The following TEAD3 variants were observed in gnomAD, a reference collection of about 807,000 sequenced individuals.
TEAD3 encodes the protein TEA domain transcription factor 3, also known as transcriptional enhancer factor TEF-5.
A neutral mutation model predicts 55.6 loss-of-function variants in TEAD3; 15 were observed. The observed-to-expected ratio is 0.27, with a 90% CI of 0.18 to 0.42. TEAD3 has a LOEUF of 0.42. TEAD3 is among the 10% of genes least tolerant of loss of function. TEAD3 has a pLI of 1.00. For synonymous variants in TEAD3, 210 were observed against 232.2 expected (o/e 0.90, Z 0.87); for missense variants, 407 against 576.8 (o/e 0.71, Z 3.01).
chr6:35,487,730 AC>A (rs1210073699), intron 1 of TEAD3, among the ~76,000 whole-genome samples: 2 of 152,006 alleles, frequency 1.3e-5, no homozygotes, highest in African/African-American at 2.4e-5. Flanking sequence ...TCAAAAAAAA[AC>A]AAAACAAAAC....
At position 35,478,576 on chromosome 6, in the gene TEAD3, G is replaced by T; in HGVS notation, c.343-5C>A. The T allele has an allele frequency of 6.3e-7, 1 of 1,581,834 alleles. No homozygotes were observed. Among genetic ancestry groups the T allele is most frequent in the Non-Finnish European group, 8.6e-7 (1 of 1,164,222 alleles). ...TTTGTCCTTGGAGACCTGGTCCTGG[G>T]GAGAGGAGGCTGCATGAAGCCAGGG... On this transcript the variant is annotated splice_polypyrimidine_tract_variant and splice_region_variant and intron_variant, in intron 5 of 12. Coordinates refer to ENST00000639578, the Ensembl canonical transcript of TEAD3.
intron 5 of TEAD3, among the ~76,000 whole-genome samples, chr6:35,478,996 C>T (rs111679963): frequency 0.012 from 1,872 of 151,186 alleles, 50 homozygotes; most frequent in African/African-American, 0.042. Context: ...TTTCTTGCCT[C>T]AGCCTCTGGA....
At position 35,488,857 on chromosome 6, in the gene TEAD3, T is replaced by TCC. The variant is rs1364419857; in HGVS notation, c.-49-2148_-49-2147dup. ...TCCTGCCTCAGACTCCCATGCAGCC[T>TCC]CCCCCCTCAGCATGGTGGCACGCAC... On this transcript the variant is annotated intron_variant, in intron 1 of 12. Coordinates refer to ENST00000639578, the Ensembl canonical transcript of TEAD3. This position sits in a 1 kb window ranked among gnomAD's most constrained non-coding sequence, Gnocchi z 4.2. Among the ~76,000 whole-genome samples the TCC allele has an allele frequency of 1.3e-5, 2 of 151,936 alleles. No individual in the cohort carries two copies. Among genetic ancestry groups the TCC allele is most frequent in the East Asian group, 3.9e-4 (2 of 5,180 alleles).
chr6:35,495,480 T>C (rs565319403), intron 1 of TEAD3, among the ~76,000 whole-genome samples: 109 of 152,268 alleles, frequency 7.2e-4, no homozygotes, highest in African/African-American at 2.5e-3. Flanking sequence ...ACCCTCTCCC[T>C]GAGGAGGGGG....
Position 35,482,653 on chromosome 6 carries a change from C to T in TEAD3, c.267+1907G>A, listed in dbSNP as rs550299432. Reference sequence around the variant, plus strand: ...TTGGCTGGATGTGGTGGCTCGTGCCCGTAATCCTAGCACTTTGGGAGGCTG... The same window carrying T: ...TTGGCTGGATGTGGTGGCTCGTGCCTGTAATCCTAGCACTTTGGGAGGCTG... On this transcript the variant is annotated intron_variant, in intron 3 of 12. Coordinates refer to ENST00000639578, the Ensembl canonical transcript of TEAD3. Among the ~76,000 whole-genome samples, 6 of 152,198 alleles carry T rather than the reference C, an allele frequency of 3.9e-5. No homozygotes were observed. The South Asian group carries it at 6.2e-4, about 16-fold the overall frequency.
In TEAD3 at chr6:35,493,764, C is replaced by T. The variant is rs190058949; in HGVS notation, c.-50+3134G>A. Among the ~76,000 whole-genome samples, 45 of 152,388 alleles carry T rather than the reference C, an allele frequency of 3.0e-4. No homozygotes were observed. In the East Asian group the frequency reaches 6.7e-3, roughly 23 times the overall value. On this transcript the variant is annotated intron_variant, in intron 1 of 12. Coordinates refer to ENST00000639578, the Ensembl canonical transcript of TEAD3. ...AGATCGCCACTCATCCGGCTTCTCACGCACACGCGCCCGCGCGCTCACATA... is the reference window on the plus strand; with the variant it reads ...AGATCGCCACTCATCCGGCTTCTCATGCACACGCGCCCGCGCGCTCACATA...
rs1437155776 is a variant in TEAD3 at position 35,484,686 on chromosome 6, C to T, written c.203-62G>A. 1.4e-6 allele frequency: 2 copies of T among 1,467,058 alleles called. No individual in the cohort carries two copies. Among genetic ancestry groups the T allele is most frequent in the African/African-American group, 2.8e-5 (2 of 71,344 alleles). The allele number at this position is 1,467,058 out of a possible 1,614,324, so 90.9% of individuals were successfully genotyped here. ...AAGGGTGGAGCCAGAGGCTGGAGGC[C>T]CCCACCCCACCGGGAAGCCACTCCA... is the stretch of plus-strand genomic sequence containing the variant. On this transcript the variant is annotated intron_variant, in intron 2 of 12. Transcript: ENST00000639578. This position sits in a 1 kb window ranked among gnomAD's most constrained non-coding sequence, Gnocchi z 5.8.
intron 8 of TEAD3, 41 bp downstream of exon 8, chr6:35,477,270 G>C: frequency 6.2e-7 from 1 of 1,605,242 alleles, no homozygotes; most frequent in Non-Finnish European, 8.5e-7. Flanking sequence ...CTGAGTGGAG[G>C]TGCAGGTGCC....
chr6:35,492,134 G>A (rs1395849354), intron 1 of TEAD3, among the ~76,000 whole-genome samples: 1 of 152,186 alleles, frequency 6.6e-6, no homozygotes, highest in Non-Finnish European at 1.5e-5. Flanking sequence ...CCCCTGCAGG[G>A]ACCCCAGCCC....
In TEAD3 at chr6:35,475,468, C is replaced by G. The variant is rs1158826842; in HGVS notation, c.1062G>C (p.Glu354Asp). The G allele has an allele frequency of 2.5e-6, 4 of 1,613,310 alleles. No homozygotes were observed. Among genetic ancestry groups the G allele is most frequent in the African/African-American group, 1.3e-5 (1 of 75,020 alleles). ...GGATACGGTACACAAAGCGCCCGTT[C>G]TCCAGCCTGGCATACTCAGTCTGCA... is the stretch of plus-strand genomic sequence containing the variant. Residue 354 changes from glutamate to aspartate, a missense_variant, in exon 12 of 13, where the codon GAG becomes GAC. Transcript: ENST00000639578. This position sits in a 1 kb window ranked among gnomAD's most constrained non-coding sequence, Gnocchi z 5.4.
In TEAD3 at chr6:35,491,213, G is replaced by GA. The variant is rs1768509700; in HGVS notation, c.-49-4503_-49-4502insT. On this transcript the variant is annotated intron_variant, in intron 1 of 12. Transcript: ENST00000639578. This position sits in a 1 kb window ranked among gnomAD's most constrained non-coding sequence, Gnocchi z 4.4. ...ACCCCAGGAGAGATGTGGAGGCAGG[G>GA]CGGGGGAGTGCTGGACCCTCAGACC... Among the ~76,000 whole-genome samples, 1 of 151,860 alleles carries GA rather than the reference G, an allele frequency of 6.6e-6. No homozygotes were observed. Among genetic ancestry groups the GA allele is most frequent in the Non-Finnish European group, 1.5e-5 (1 of 67,960 alleles).
chr6:35,474,624 G>A (rs905369317), downstream of TEAD3: 3 of 176,684 alleles, frequency 1.7e-5, no homozygotes, highest in African/African-American at 4.8e-5. Context: ...AACCCCAACC[G>A]GACACTCCCA....
intron 9 of TEAD3, 47 bp from the exon 10 acceptor site, chr6:35,476,139 G>A (rs1426063450): frequency 1.3e-6 from 2 of 1,537,614 alleles, no homozygotes; most frequent in Non-Finnish European, 8.8e-7. Flanking sequence ...CAGGCTTGCA[G>A]GCCCGGGGGC....
rs879754456 is a variant in TEAD3 at position 35,488,568 on chromosome 6, G to A, written c.-49-1857C>T. ...GCCAGGGAGAGGAAGATGAATTCCA[G>A]GTCCTGCTGCTTGAGTCGGGGTGGA... On this transcript the variant is annotated intron_variant, in intron 1 of 12. Transcript: ENST00000639578. The surrounding 1 kb of genome is among the most constrained non-coding windows in gnomAD (Gnocchi z 4.2). Among the ~76,000 whole-genome samples, 2 of 152,078 alleles carry A rather than the reference G, an allele frequency of 1.3e-5. No homozygotes were observed. Among genetic ancestry groups the A allele is most frequent in the African/African-American group, 2.4e-5 (1 of 41,398 alleles).
At chr6:35,480,423 G>A (rs779868211) in intron 3 of TEAD3, 49 bp from the exon 4 acceptor site, 2 of 1,606,584 alleles carry the variant, frequency 1.2e-6, no homozygotes, top group Admixed American at 3.4e-5. Flanking sequence ...AGACAGTGAG[G>A]AGGCACAGCC....
exon 6 of TEAD3, chr6:35,478,512 G>A (rs201468192): frequency 1.1e-4 from 183 of 1,609,482 alleles, no homozygotes; most frequent in Admixed American, 7.4e-4. Context: ...TGGCAGAGAC[G>A]ATCTGGGCAG....
chr6:35,476,035 G>T, exon 10 of TEAD3: 1 of 1,555,582 alleles, frequency 6.4e-7, no homozygotes. Flanking sequence ...GCCTCCAGGG[G>T]TGGGTCTGAG....
rs757113932 is a variant in TEAD3, at chr6:35,475,304, G to A, written c.1194+32C>T. 2.9e-5 allele frequency: 46 copies of A among 1,609,628 alleles called. No homozygotes were observed. The South Asian group carries it at 4.2e-4, about 15-fold the overall frequency. ...ACCCAACTTGGAGGCCCTGGCCTGT[G>A]GGACTCCCCACGACCCCTGCTGCCC... On this transcript the variant is annotated intron_variant, in intron 12 of 12. Transcript: ENST00000639578. The surrounding 1 kb of genome is among the most constrained non-coding windows in gnomAD (Gnocchi z 5.4).
intron 1 of TEAD3, among the ~76,000 whole-genome samples, chr6:35,492,915 T>C (rs1016844925): frequency 1.3e-5 from 2 of 152,038 alleles, no homozygotes; most frequent in African/African-American, 4.8e-5. Flanking sequence ...GGTCCCAGGG[T>C]GGGAATCTCA....
Sources: gnomAD v4.1 joint callset for allele counts (sites outside exome capture counted in the v4.1 genomes callset) on GRCh38, gnomAD v4.1.1 for gene constraint, Gnocchi (gnomAD v3.1) non-coding constraint, MANE v1.5 for transcripts, NCBI Gene and HGNC (gene_info 2026-07-23, HGNC 2026-07-21) for gene names.